The following IL36B variants were observed in gnomAD, a reference collection of about 807,000 sequenced individuals.
IL36B encodes the protein interleukin 36 beta.
Under a neutral mutation model 19.3 loss-of-function variants are expected in IL36B, and 23 were observed. The observed-to-expected ratio is 1.19, with a 90% confidence interval of 0.86 to 1.69. The LOEUF (loss-of-function observed/expected upper bound fraction) is 1.69, where lower values mean the gene tolerates loss of function less well. Among genes scored for constraint, IL36B ranks in the 40% most tolerant of loss-of-function variants. The probability of loss-of-function intolerance (pLI) is 0.00; values close to 1 mark genes in which losing one functional copy is unlikely to be tolerated. For synonymous variants in IL36B, 59 were observed against 59.7 expected (o/e 0.99, Z 0.05); for missense variants, 217 against 200.5 (o/e 1.08, Z -0.50).
intron 1 of IL36B, among the ~76,000 whole-genome samples, chr2:113,047,435 G>C (rs1052295664): frequency 1.3e-5 from 2 of 152,146 alleles, no homozygotes; most frequent in African/African-American, 4.8e-5. Context: ...TTGAGACTAG[G>C]GAGGCTCAAC....
chr2:113,031,604 T>C (rs1685077465), intron 2 of IL36B, 93 bp downstream of exon 2: 3 of 1,123,174 alleles, frequency 2.7e-6, no homozygotes, highest in South Asian at 1.3e-5. Flanking sequence ...AATACATTTA[T>C]AGCTTAGCAA....
At chr2:113,051,369 A>G (rs1467872176) in intron 1 of IL36B, among the ~76,000 whole-genome samples, 1 of 152,206 alleles carries the variant, frequency 6.6e-6, no homozygotes, top group African/African-American at 2.4e-5. Context: ...GGCCCTGTTC[A>G]TGGGACTCAG....
intron 1 of IL36B, among the ~76,000 whole-genome samples, chr2:113,043,993 C>T (rs1287198395): frequency 1.3e-5 from 2 of 152,132 alleles, no homozygotes; most frequent in Non-Finnish European, 2.9e-5. Context: ...ATGTCAATTT[C>T]TTTAATAAAA....
At chr2:113,027,857 C>T (rs1684993222) in intron 4 of IL36B, 1 of 1,606,922 alleles carries the variant, frequency 6.2e-7, no homozygotes, top group Non-Finnish European at 8.5e-7. Context: ...ACTCTGACAG[C>T]TTGATTCTCT....
In IL36B at chr2:113,031,743, A is replaced by G. The variant is rs755186849; in HGVS notation, c.-34T>C. ...CAGAGCCTTTTGTGAAGAGAACAAG[A>G]TAGATCAGATGGTGGTGAGGAGGCT... On this transcript the variant is annotated 5_prime_UTR_variant, in exon 2 of 6. Coordinates refer to ENST00000259213, the MANE Select transcript of IL36B (RefSeq NM_014438.5). The G allele has an allele frequency of 1.1e-5, 18 of 1,569,682 alleles. No homozygotes were observed. The highest frequency in any genetic ancestry group is 9.5e-5 in the African/African-American group (7 of 73,962).
rs759843316 is a variant in IL36B at position 113,029,092 on chromosome 2, G to A, written c.122-14C>T. Reference sequence around the variant, plus strand: ...AATGAAGAGTGACTGGAAACACAAAGGAAAATGGAGAAGATGTTTCAGTCT... The same window carrying A: ...AATGAAGAGTGACTGGAAACACAAAAGAAAATGGAGAAGATGTTTCAGTCT... On this transcript the variant is annotated splice_polypyrimidine_tract_variant and intron_variant, in intron 3 of 5. Transcript: ENST00000259213. 14 of 1,608,050 alleles carry A rather than the reference G, an allele frequency of 8.7e-6. No homozygotes were observed. The highest frequency in any genetic ancestry group is 1.2e-5 in the Non-Finnish European group (14 of 1,177,184).
At position 113,025,721 on chromosome 2, in the gene IL36B, G is replaced by T. The variant is rs553230363; in HGVS notation, c.391+382C>A. Among the ~76,000 whole-genome samples the T allele has an allele frequency of 3.3e-5, 5 of 152,314 alleles. No individual in the cohort carries two copies. In the South Asian group the frequency reaches 6.2e-4, roughly 19 times the overall value. The stretch of plus-strand genomic sequence containing the variant: ...GATTTAGGATGTTAGTAAGACATAG[G>T]CAGCAATGGAAGTGTTTGAGATGTG... On this transcript the variant is annotated intron_variant, in intron 5 of 5. Coordinates refer to ENST00000259213, the MANE Select transcript of IL36B (RefSeq NM_014438.5).
intron 1 of IL36B, among the ~76,000 whole-genome samples, chr2:113,037,099 C>G (rs1356157823): frequency 2.0e-5 from 3 of 152,208 alleles, no homozygotes; most frequent in Non-Finnish European, 4.4e-5. Context: ...GTGGCCGCTC[C>G]CTCTGTACCT....
intron 1 of IL36B, among the ~76,000 whole-genome samples, chr2:113,050,217 G>A (rs1558838769): frequency 6.6e-6 from 1 of 152,082 alleles, no homozygotes; most frequent in Non-Finnish European, 1.5e-5. Flanking sequence ...AGTGTCCATC[G>A]ACAGATGAAC....
rs1684881183 is a variant in IL36B at position 113,022,592 on chromosome 2, G to A, written c.*82C>T. The A allele has an allele frequency of 1.0e-5, 9 of 899,282 alleles. No individual in the cohort carries two copies. The South Asian group carries it at 1.1e-4, about 11-fold the overall frequency. 55.7% of individuals were successfully genotyped at this position (899,282 alleles called of 1,614,324 possible). A position where few individuals can be genotyped will look rare whatever the true frequency, so the allele number is the denominator to read the frequency against. ...AACCCAAGAAAAGAGAAAAATTTCTGCAACTTATTCCATTTGTAGCATTTC... is the reference window on the plus strand; with the variant it reads ...AACCCAAGAAAAGAGAAAAATTTCTACAACTTATTCCATTTGTAGCATTTC... On this transcript the variant is annotated 3_prime_UTR_variant, in exon 6 of 6. Transcript: ENST00000259213.
At chr2:113,026,075 G>A in intron 5 of IL36B, 2 of 1,610,348 alleles carry the variant, frequency 1.2e-6, no homozygotes, top group South Asian at 1.1e-5. Flanking sequence ...GTCCACCTGT[G>A]GGATGGATAA....
rs1684957422 is a variant in IL36B, at chr2:113,026,185, T to C, written c.309A>G (p.Leu103=). Residue 103 remains leucine (L), a synonymous_variant, in exon 5 of 6, where the codon CTA becomes CTG. Transcript: ENST00000259213. ...GGTTTATGCATGTGTGAATTCCAAC[T>C]AGTTTCCAGCAAGTGTCCTTCCCTA... 2 of 1,613,788 alleles carry C rather than the reference T, an allele frequency of 1.2e-6. No homozygotes were observed. The highest frequency in any genetic ancestry group is 4.5e-5 in the East Asian group (2 of 44,894).
Position 113,028,956 on chromosome 2 carries a change from G to T in IL36B, c.244C>A (p.Pro82Thr). Reference sequence around the variant, plus strand: ...TCACTCACCTTAAGCTGCAAAGTAGGCTTGCCCTGAATTTCTGCACAGAAG... The same window carrying T: ...TCACTCACCTTAAGCTGCAAAGTAGTCTTGCCCTGAATTTCTGCACAGAAG... The change falls in exon 4 of 6, where the codon CCT (proline) becomes ACT (threonine). Residue 82 changes from proline (P) to threonine (T), a missense_variant. Physicochemically the swap from Pro to Thr is conservative, Grantham distance 38. Coordinates refer to ENST00000259213, the MANE Select transcript of IL36B (RefSeq NM_014438.5). 1.2e-6 allele frequency: 2 copies of T among 1,614,052 alleles called. No homozygotes were observed. Among genetic ancestry groups the T allele is most frequent in the Non-Finnish European group, 1.7e-6 (2 of 1,179,978 alleles).
intron 1 of IL36B, among the ~76,000 whole-genome samples, chr2:113,050,254 C>G (rs4629159): frequency 0.31 from 47,233 of 151,930 alleles, 7,625 homozygotes; most frequent in East Asian, 0.53. Context: ...GTACACACAC[C>G]ACACAGCCTT....
intron 2 of IL36B, 128 bp from the exon 3 acceptor site, chr2:113,031,283 A>G: frequency 1.5e-6 from 1 of 685,200 alleles, no homozygotes; most frequent in Non-Finnish European, 2.6e-6. Context: ...TAGTGGCTAT[A>G]ACGATAAATG....
At chr2:113,023,045 AC>A (rs770900472) in intron 5 of IL36B, among the ~76,000 whole-genome samples, 8 of 152,228 alleles carry the variant, frequency 5.3e-5, no homozygotes, top group Non-Finnish European at 5.9e-5. Context: ...GGCACCCCTC[AC>A]TTCCCTAATC....
chr2:113,026,297 T>C, intron 4 of IL36B: 1 of 1,601,966 alleles, frequency 6.2e-7, no homozygotes, highest in South Asian at 1.1e-5. Flanking sequence ...GTCTCAAAGT[T>C]GGTTGCACGG....
chr2:113,031,822 C>A, intron 1 of IL36B, 56 bp from the exon 2 acceptor site: 1 of 835,896 alleles, frequency 1.2e-6, no homozygotes. Context: ...ATGCTTTTTT[C>A]TCCTCTCCCC....
In IL36B at chr2:113,033,945, G is replaced by T. The variant is rs72944561; in HGVS notation, c.-57-2179C>A. Among the ~76,000 whole-genome samples the T allele has an allele frequency of 3.7e-3, 558 of 152,250 alleles. 4 individuals are homozygous for T. The highest frequency in any genetic ancestry group is 0.013 in the African/African-American group (527 of 41,518). On this transcript the variant is annotated intron_variant, in intron 1 of 5. Transcript: ENST00000259213. ...AATCACTCTTTGTGGTTCTGCTCTT[G>T]GAAATCCACCATTGACTCTATCTTC...
Sources: gnomAD v4.1 joint callset for allele counts (sites outside exome capture counted in the v4.1 genomes callset) on GRCh38, gnomAD v4.1.1 for gene constraint, MANE v1.5 for transcripts, NCBI Gene and HGNC (gene_info 2026-07-23, HGNC 2026-07-21) for gene names.